Variants in GALNT10 observed in about 807,000 individuals in gnomAD.
GALNT10 encodes GalNAc transferase 10.
GALNT10 carries 41 observed loss-of-function variants against 75.0 expected under a neutral mutation model. The observed-to-expected ratio is 0.55, with a 90% CI of 0.43 to 0.71. The LOEUF (loss-of-function observed/expected upper bound fraction) is 0.71. Ranked by LOEUF, GALNT10 falls within the 30% of genes least tolerant of loss-of-function variation. The probability of loss-of-function intolerance (pLI) is 0.00; values close to 1 mark genes in which losing one functional copy is unlikely to be tolerated. For missense variants in GALNT10, 727 were observed against 818.5 expected (o/e 0.89, Z 1.36); for synonymous variants, 302 against 313.0 (o/e 0.96, Z 0.37).
At chr5:154,395,976 G>A (rs1216083454) in intron 7 of GALNT10, among the ~76,000 whole-genome samples, 4 of 152,186 alleles carry the variant, frequency 2.6e-5, no homozygotes, top group South Asian at 2.1e-4. Context: ...GTTGAAAATC[G>A]CAGCTGTAAT....
At chr5:154,395,796 C>T (rs531112218) in intron 7 of GALNT10, among the ~76,000 whole-genome samples, 29 of 152,304 alleles carry the variant, frequency 1.9e-4, no homozygotes, top group African/African-American at 6.7e-4. Context: ...TTCCAGTACG[C>T]GGTGGCTCCC....
chr5:154,293,625 C>CTTTTTTTTT (rs1320287927), intron 1 of GALNT10, among the ~76,000 whole-genome samples: 7 of 128,060 alleles, frequency 5.5e-5, no homozygotes, highest in African/African-American at 9.4e-5. Context: ...TTTTTTTTTC[C>CTTTTTTTTT]TTTCAGCCAT....
At position 154,419,837 on chromosome 5, in the gene GALNT10, T is replaced by C. The variant is rs1189971819; in HGVS notation, c.*2865T>C. 1.3e-5 allele frequency: 2 copies of C among 152,210 alleles called. No homozygotes were observed. The highest frequency in any genetic ancestry group is 2.9e-5 in the Non-Finnish European group (2 of 68,034). 9.4% of individuals were successfully genotyped at this position (152,210 alleles called of 1,614,324 possible). On this transcript the variant is annotated 3_prime_UTR_variant, in exon 12 of 12. Transcript: ENST00000297107. ...TCAATAAAACTCAGCCAGGAGCATA[T>C]GGAGATGCTGACAGCCAGGTAATGG...
intron 1 of GALNT10, among the ~76,000 whole-genome samples, chr5:154,195,174 A>G (rs1361288683): frequency 6.6e-6 from 1 of 152,248 alleles, no homozygotes; most frequent in Non-Finnish European, 1.5e-5. Flanking sequence ...GCTCTTACAC[A>G]GAGATGGCAT....
chr5:154,340,763 A>G (rs1440097568), intron 4 of GALNT10, among the ~76,000 whole-genome samples: 2 of 152,166 alleles, frequency 1.3e-5, no homozygotes, highest in African/African-American at 2.4e-5. Context: ...TTATCAGACA[A>G]CCACAACTCC....
intron 1 of GALNT10, among the ~76,000 whole-genome samples, chr5:154,214,050 G>A (rs1336690725): frequency 1.3e-5 from 2 of 152,144 alleles, no homozygotes; most frequent in Non-Finnish European, 1.5e-5. Context: ...AGGAGTCTTC[G>A]TTTCCTTCCA....
intron 1 of GALNT10, among the ~76,000 whole-genome samples, chr5:154,194,367 T>C (rs908228477): frequency 6.6e-6 from 1 of 152,238 alleles, no homozygotes; most frequent in African/African-American, 2.4e-5. Context: ...TATAGAAATG[T>C]AGCCTTGGAA....
chr5:154,209,394 T>C (rs1444574504), intron 1 of GALNT10, among the ~76,000 whole-genome samples: 1 of 151,992 alleles, frequency 6.6e-6, no homozygotes, highest in African/African-American at 2.4e-5. Flanking sequence ...GCAGTGAAGG[T>C]GGGTTTGGGG....
intron 7 of GALNT10, chr5:154,387,796 T>C (rs1755828273): frequency 6.7e-6 from 1 of 148,688 alleles, no homozygotes. Flanking sequence ...AGTTCAGAAC[T>C]GGAGAACATA....
intron 8 of GALNT10, among the ~76,000 whole-genome samples, chr5:154,407,767 C>A (rs1756312586): frequency 6.6e-6 from 1 of 152,292 alleles, no homozygotes; most frequent in Admixed American, 6.5e-5. Context: ...TGTGCAGGGG[C>A]CTGGTGGGGA....
chr5:154,303,230 G>T (rs1754385687), intron 3 of GALNT10, among the ~76,000 whole-genome samples: 1 of 152,294 alleles, frequency 6.6e-6, no homozygotes, highest in African/African-American at 2.4e-5. Context: ...CCCTATAGTT[G>T]CCCCAGCTTA....
rs1192405787 is a variant in GALNT10 at position 154,412,947 on chromosome 5, C to T, written c.1445C>T (p.Pro482Leu). Residue 482 changes from proline (P) to leucine (L), a missense_variant, in exon 10 of 12, where the codon CCA becomes CTA. Physicochemically the swap from Pro to Leu is moderately conservative, Grantham distance 98. Coordinates refer to ENST00000297107, the MANE Select transcript of GALNT10 (RefSeq NM_198321.4). This position sits in a 1 kb window ranked among gnomAD's most constrained non-coding sequence, Gnocchi z 4.2. Reference sequence around the variant, plus strand: ...ACAAAGCACGGGGCCTTGGGCTCCCCACTAAGGCTAGAGGGCTGCGTCCGA... The same window carrying T: ...ACAAAGCACGGGGCCTTGGGCTCCCTACTAAGGCTAGAGGGCTGCGTCCGA... ...ADTKHGALGS[P>L]LRLEGCVRGR... The T allele has an allele frequency of 1.9e-6, 3 of 1,613,744 alleles. No individual in the cohort carries two copies. The highest frequency in any genetic ancestry group is 1.7e-5 in the Admixed American group (1 of 60,022).
At position 154,298,176 on chromosome 5, in the gene GALNT10, C is replaced by A; in HGVS notation, c.401+97C>A. 9.5e-7 allele frequency: 1 copy of A among 1,049,400 alleles called. No homozygotes were observed. The highest frequency in any genetic ancestry group is 1.4e-6 in the Non-Finnish European group (1 of 697,596). 65.0% of individuals were successfully genotyped at this position (1,049,400 alleles called of 1,614,324 possible). ...AAGCAGGTACATGGAGCCCTGCTGA[C>A]GGAGACACCCTCCTCTTTCACAGGC... On this transcript the variant is annotated intron_variant, in intron 3 of 11. Transcript: ENST00000297107. The surrounding 1 kb of genome is among the most constrained non-coding windows in gnomAD (Gnocchi z 4.1).
At chr5:154,202,410 T>A (rs1775040305) in intron 1 of GALNT10, among the ~76,000 whole-genome samples, 1 of 152,180 alleles carries the variant, frequency 6.6e-6, no homozygotes, top group South Asian at 2.1e-4. Flanking sequence ...ACAGCAATGA[T>A]CATTAGTTTA....
chr5:154,229,584 T>A (rs890703532), intron 1 of GALNT10, among the ~76,000 whole-genome samples: 17 of 150,394 alleles, frequency 1.1e-4, no homozygotes, highest in Non-Finnish European at 2.1e-4. Flanking sequence ...AAAAAAAAAA[T>A]TCGCCGGGCA....
chr5:154,416,010 A>T lies in GALNT10; in HGVS notation c.1653+78A>T. 1 of 1,306,304 alleles carries T rather than the reference A, an allele frequency of 7.7e-7. No individual in the cohort carries two copies. The highest frequency in any genetic ancestry group is 2.4e-5 in the East Asian group (1 of 42,096). 80.9% of individuals were successfully genotyped at this position (1,306,304 alleles called of 1,614,324 possible). A position where few individuals can be genotyped will look rare whatever the true frequency, so the allele number is the denominator to read the frequency against. ...AATACAGTGCTTCACCCCTTCTTTC[A>T]ACAGAGCCCATCCACTTATTCATTT... On this transcript the variant is annotated intron_variant, in intron 11 of 11. Transcript: ENST00000297107. This position sits in a 1 kb window ranked among gnomAD's most constrained non-coding sequence, Gnocchi z 4.5.
intron 1 of GALNT10, among the ~76,000 whole-genome samples, chr5:154,271,091 T>C (rs1753857838): frequency 6.6e-6 from 1 of 151,184 alleles, no homozygotes; most frequent in Non-Finnish European, 1.5e-5. Context: ...AGTGGACAAG[T>C]AGTATGTCCA....
At chr5:154,337,508 A>C (rs1581980359) in intron 4 of GALNT10, 1 of 734,452 alleles carries the variant, frequency 1.4e-6, no homozygotes. Context: ...TGGTACTAGA[A>C]CTGCCATAGG....
chr5:154,207,372 T>G (rs1459704634), intron 1 of GALNT10, among the ~76,000 whole-genome samples: 1 of 152,080 alleles, frequency 6.6e-6, no homozygotes, highest in African/African-American at 2.4e-5. Context: ...GCAGGGAGGT[T>G]GCAGGTTCAT....
Sources: allele counts gnomAD v4.1 joint callset (sites outside exome capture counted in the v4.1 genomes callset), GRCh38; gene constraint gnomAD v4.1.1; non-coding constraint Gnocchi (gnomAD v3.1); transcripts MANE v1.5; gene names NCBI Gene and HGNC (gene_info 2026-07-23, HGNC 2026-07-21).